ATXN10: variants seen among roughly 807,000 people sequenced by gnomAD.
ATXN10 encodes ataxin 10.
ATXN10 carries 28 observed loss-of-function variants against 52.9 expected under a neutral mutation model. The observed-to-expected ratio is 0.53, with a 90% CI of 0.39 to 0.73. ATXN10 has a LOEUF of 0.73. Ranked by LOEUF, ATXN10 falls within the 30% of genes least tolerant of loss-of-function variation. ATXN10 has a pLI of 0.00. For missense variants in ATXN10, 565 were observed against 577.0 expected (o/e 0.98, Z 0.21); for synonymous variants, 226 against 221.5 (o/e 1.02, Z -0.18).
At chr22:45,745,060 A>C (rs936424092) in intron 9 of ATXN10, among the ~76,000 whole-genome samples, 1 of 152,136 alleles carries the variant, frequency 6.6e-6, no homozygotes, top group African/African-American at 2.4e-5. Context: ...TGTAGTGATT[A>C]GTTTACTTCT....
rs1452723548 is a variant in ATXN10 at position 45,837,847 on chromosome 22, C to T, written c.1238-5144C>T. Among the ~76,000 whole-genome samples, 4 of 152,132 alleles carry T rather than the reference C, an allele frequency of 2.6e-5. No homozygotes were observed. The highest frequency in any genetic ancestry group is 6.5e-5 in the Admixed American group (1 of 15,282). On this transcript the variant is annotated intron_variant, in intron 10 of 11. Coordinates refer to ENST00000252934, the MANE Select transcript of ATXN10 (RefSeq NM_013236.4). The surrounding 1 kb of genome is among the most constrained non-coding windows in gnomAD (Gnocchi z 5.8). ...AGTATTCTTTAGATTTTTTTCCAAT[C>T]ATCTAAATATATTAAAACTGTTTTT...
At position 45,826,396 on chromosome 22, in the gene ATXN10, T is replaced by C. The variant is rs1477545071; in HGVS notation, c.1238-16595T>C. On this transcript the variant is annotated intron_variant, in intron 10 of 11. Coordinates refer to ENST00000252934, the MANE Select transcript of ATXN10 (RefSeq NM_013236.4). The surrounding 1 kb of genome is among the most constrained non-coding windows in gnomAD (Gnocchi z 5.0). The stretch of plus-strand genomic sequence containing the variant: ...AGAGAATATCTGAAGAAATAAGGAC[T>C]GAAAATTTTCCACATTTGATGGAAG... Among the ~76,000 whole-genome samples, 1 of 152,172 alleles carries C rather than the reference T, an allele frequency of 6.6e-6. No individual in the cohort carries two copies. The highest frequency in any genetic ancestry group is 1.5e-5 in the Non-Finnish European group (1 of 68,024).
At chr22:45,716,366 G>A (rs1924446297) in intron 5 of ATXN10, among the ~76,000 whole-genome samples, 8 of 142,878 alleles carry the variant, frequency 5.6e-5, no homozygotes, top group Non-Finnish European at 1.5e-5. Flanking sequence ...TTGCTCTGTC[G>A]CCCATGCTGG....
At chr22:45,827,716 G>A (rs1469969087) in intron 10 of ATXN10, among the ~76,000 whole-genome samples, 1 of 152,018 alleles carries the variant, frequency 6.6e-6, no homozygotes, top group Non-Finnish European at 1.5e-5. Flanking sequence ...TCTCAATAAT[G>A]GATAGAAGAA....
chr22:45,742,641 G>A (rs6007150), intron 9 of ATXN10, among the ~76,000 whole-genome samples: 4,905 of 152,192 alleles, frequency 0.032, 256 homozygotes, highest in African/African-American at 0.11. Context: ...AAACAAAAGC[G>A]GGGAGAAAGA....
At chr22:45,821,563 G>A (rs1242455834) in intron 10 of ATXN10, among the ~76,000 whole-genome samples, 1 of 152,126 alleles carries the variant, frequency 6.6e-6, no homozygotes, top group African/African-American at 2.4e-5. Flanking sequence ...TCTATATCCA[G>A]GATAAAAATT....
chr22:45,720,125 TCCACTTTA>T (rs1358966865), intron 6 of ATXN10, among the ~76,000 whole-genome samples: 1 of 152,198 alleles, frequency 6.6e-6, no homozygotes, highest in Admixed American at 6.5e-5. Flanking sequence ...ACTCAGCTTC[TCCACTTTA>T]CCTTTTCAGT....
In ATXN10 at chr22:45,680,019, G is replaced by T. The variant is rs577264537; in HGVS notation, c.116+7840G>T. Reference sequence around the variant, plus strand: ...TTTCATTCTTCCAGTCTTTTGTAGTGGTCACTGGACCCAAGGGCTTGGTCA... The same window carrying T: ...TTTCATTCTTCCAGTCTTTTGTAGTTGTCACTGGACCCAAGGGCTTGGTCA... On this transcript the variant is annotated intron_variant, in intron 1 of 11. Coordinates refer to ENST00000252934, the MANE Select transcript of ATXN10 (RefSeq NM_013236.4). 3 of 152,280 alleles carry T rather than the reference G, an allele frequency of 2.0e-5. No homozygotes were observed. The South Asian group carries it at 6.2e-4, about 32-fold the overall frequency. 9.4% of individuals were successfully genotyped at this position (152,280 alleles called of 1,614,324 possible).
chr22:45,793,771 C>A, intron 9 of ATXN10: 1 of 1,376,656 alleles, frequency 7.3e-7, no homozygotes, highest in South Asian at 2.0e-5. Context: ...CCCAGTGATG[C>A]AGGACAGGTA....
chr22:45,689,196 A>G (rs572453174), intron 1 of ATXN10, among the ~76,000 whole-genome samples: 2 of 152,312 alleles, frequency 1.3e-5, no homozygotes, highest in African/African-American at 4.8e-5. Flanking sequence ...ATTGTTTCTT[A>G]TAACTGAACT....
intron 5 of ATXN10, among the ~76,000 whole-genome samples, chr22:45,709,907 A>G (rs576942407): frequency 6.6e-6 from 1 of 152,136 alleles, no homozygotes; most frequent in East Asian, 1.9e-4. Flanking sequence ...CTGAGTCCTG[A>G]TTTTCTTTCA....
At chr22:45,725,400 G>A (rs1224215074) in intron 6 of ATXN10, among the ~76,000 whole-genome samples, 1 of 130,810 alleles carries the variant, frequency 7.6e-6, no homozygotes, top group African/African-American at 3.0e-5. Context: ...CCAGGCATTT[G>A]ATTTTTTTTT....
intron 10 of ATXN10, among the ~76,000 whole-genome samples, chr22:45,838,164 T>C (rs191566493): frequency 1.3e-5 from 2 of 152,372 alleles, no homozygotes; most frequent in East Asian, 1.9e-4. Flanking sequence ...TTACTGTGGA[T>C]TGTTTTTCTG....
chr22:45,774,001 G>C lies in ATXN10; in HGVS notation c.1174-32958G>C, dbSNP rs1374395106. ...CCTGTCTGGGTAGAGAGAATGGCCT[G>C]TAGAAACAAATTGTAAGAAACATGA... On this transcript the variant is annotated intron_variant, in intron 9 of 11. Coordinates refer to ENST00000252934, the MANE Select transcript of ATXN10 (RefSeq NM_013236.4). The surrounding 1 kb of genome is among the most constrained non-coding windows in gnomAD (Gnocchi z 6.2). 6.6e-6 allele frequency among the ~76,000 whole-genome samples: 1 copy of C among 152,194 alleles called. No individual in the cohort carries two copies. Among genetic ancestry groups the C allele is most frequent in the Non-Finnish European group, 1.5e-5 (1 of 68,032 alleles).
Position 45,792,900 on chromosome 22 carries a change from G to A in ATXN10, c.1174-14059G>A, listed in dbSNP as rs1017241454. The stretch of plus-strand genomic sequence containing the variant: ...GTTAAATTCTTCTAAACTTGCATTG[G>A]CTGTTATACCTACATAGGGAGCCAC... On this transcript the variant is annotated intron_variant, in intron 9 of 11. Coordinates refer to ENST00000252934, the MANE Select transcript of ATXN10 (RefSeq NM_013236.4). The A allele has an allele frequency of 5.5e-5, 26 of 476,726 alleles. No individual in the cohort carries two copies. In the Middle Eastern group the frequency reaches 1.4e-3, roughly 27 times the overall value. The allele number at this position is 476,726 out of a possible 1,614,324, so 29.5% of individuals were successfully genotyped here.
chr22:45,817,318 CTTTTTTTTT>C (rs11326332), intron 10 of ATXN10, among the ~76,000 whole-genome samples: 4 of 98,710 alleles, frequency 4.1e-5, no homozygotes, highest in African/African-American at 1.2e-4. Flanking sequence ...ATTGATTTAA[CTTTTTTTTT>C]TTTTTTTTTT....
At chr22:45,830,015 A>G (rs1928937411) in intron 10 of ATXN10, among the ~76,000 whole-genome samples, 1 of 152,226 alleles carries the variant, frequency 6.6e-6, no homozygotes, top group African/African-American at 2.4e-5. Flanking sequence ...TGACATGAAG[A>G]CAGACATCTG....
intron 5 of ATXN10, among the ~76,000 whole-genome samples, chr22:45,714,383 A>G (rs1457973868): frequency 6.6e-6 from 1 of 151,718 alleles, no homozygotes; most frequent in Non-Finnish European, 1.5e-5. Context: ...TGTTCGTGGT[A>G]TTTTATTTTT....
At chr22:45,692,350 T>C (rs1923418421) in intron 2 of ATXN10, among the ~76,000 whole-genome samples, 1 of 152,204 alleles carries the variant, frequency 6.6e-6, no homozygotes, top group South Asian at 2.1e-4. Flanking sequence ...ATGCAACTTA[T>C]GGTTGGGCGG....
Sources: allele counts gnomAD v4.1 joint callset (sites outside exome capture counted in the v4.1 genomes callset), GRCh38; gene constraint gnomAD v4.1.1; non-coding constraint Gnocchi (gnomAD v3.1); transcripts MANE v1.5; gene names NCBI Gene and HGNC (gene_info 2026-07-23, HGNC 2026-07-21).